Variants in CCDC3 observed in about 807,000 individuals in gnomAD.
CCDC3 encodes coiled-coil domain-containing protein 3.
CCDC3 carries 24 observed loss-of-function variants against 21.4 expected under a neutral mutation model. The observed-to-expected ratio is 1.12, with a 90% CI of 0.81 to 1.58. CCDC3 has a LOEUF of 1.58. Ranked by LOEUF, CCDC3 falls within the 40% of genes most tolerant of loss-of-function variation. The pLI is 0.00. For missense variants in CCDC3, 425 were observed against 360.9 expected (o/e 1.18, Z -1.44); for synonymous variants, 186 against 166.0 (o/e 1.12, Z -0.93).
chr10:13,042,782 G>C (rs562680454), intron 5 of CCDC3, among the ~76,000 whole-genome samples: 83 of 151,798 alleles, frequency 5.5e-4, no homozygotes, highest in African/African-American at 2.0e-3. Flanking sequence ...GGTGGCGGGC[G>C]CCTGTAGTCC....
exon 2 of CCDC3, chr10:13,099,260 C>A (rs1037790749): frequency 6.6e-6 from 1 of 152,460 alleles, no homozygotes; most frequent in Non-Finnish European, 1.5e-5. Context: ...GTCCAGACAG[C>A]GAAGCAGAAT....
chr10:13,065,833 G>A (rs779060997), intron 4 of CCDC3, among the ~76,000 whole-genome samples: 4 of 152,162 alleles, frequency 2.6e-5, no homozygotes, highest in Non-Finnish European at 4.4e-5. Flanking sequence ...TTAGATATAA[G>A]TTCCATCCAG....
chr10:13,010,030 C>T (rs1256258153), intron 5 of CCDC3, among the ~76,000 whole-genome samples: 2 of 152,080 alleles, frequency 1.3e-5, no homozygotes, highest in East Asian at 1.9e-4. Flanking sequence ...GTTGGATCAC[C>T]TGAGGTCAGG....
intron 4 of CCDC3, among the ~76,000 whole-genome samples, chr10:13,064,465 T>C (rs1182187820): frequency 6.6e-6 from 1 of 152,214 alleles, no homozygotes; most frequent in Non-Finnish European, 1.5e-5. Context: ...TGAGGACATG[T>C]GCCTGTGACA....
intron 2 of CCDC3, among the ~76,000 whole-genome samples, chr10:12,964,226 G>C (rs1343079916): frequency 6.6e-6 from 1 of 152,050 alleles, no homozygotes; most frequent in Non-Finnish European, 1.5e-5. Context: ...TGCAAAATTA[G>C]CTGGGCATGG....
chr10:13,036,818 C>T (rs1482660919), intron 5 of CCDC3, among the ~76,000 whole-genome samples: 2 of 150,112 alleles, frequency 1.3e-5, no homozygotes, highest in East Asian at 1.9e-4. Context: ...GAGATGGGGT[C>T]ACCCAGGCTG....
At chr10:12,909,265 A>G (rs1210024176) in intron 2 of CCDC3, among the ~76,000 whole-genome samples, 2 of 152,208 alleles carry the variant, frequency 1.3e-5, no homozygotes, top group East Asian at 1.9e-4. Context: ...AGGAAGAGTG[A>G]CATTCATGGC....
At chr10:12,930,246 A>G (rs1834618096) in intron 2 of CCDC3, among the ~76,000 whole-genome samples, 1 of 151,506 alleles carries the variant, frequency 6.6e-6, no homozygotes, top group Non-Finnish European at 1.5e-5. Flanking sequence ...AAATGATGTA[A>G]TATTTTTACA....
intron 2 of CCDC3, among the ~76,000 whole-genome samples, chr10:12,971,214 G>A (rs568993655): frequency 2.0e-5 from 3 of 152,226 alleles, no homozygotes; most frequent in Non-Finnish European, 4.4e-5. Flanking sequence ...TAGCTGGCGT[G>A]AGCAGGAAAG....
upstream of CCDC3, among the ~76,000 whole-genome samples, chr10:13,005,786 G>C (rs896838635): frequency 2.6e-5 from 4 of 152,196 alleles, no homozygotes; most frequent in African/African-American, 9.7e-5. Context: ...AGACTTCTCA[G>C]AACTTGCTCA....
chr10:12,959,685 C>A lies in CCDC3; in HGVS notation c.549+38653G>T, dbSNP rs1835149504. On this transcript the variant is annotated intron_variant, in intron 2 of 2. Coordinates refer to ENST00000378825, the MANE Select transcript of CCDC3 (RefSeq NM_031455.4). Reference sequence around the variant, plus strand: ...CCTTACAAACCATTCCCTCCAAACTCCTTGGTTTATAGCCAAATAATCAGA... The same window carrying A: ...CCTTACAAACCATTCCCTCCAAACTACTTGGTTTATAGCCAAATAATCAGA... Among the ~76,000 whole-genome samples the A allele has an allele frequency of 2.0e-5, 3 of 152,172 alleles. 1 individual carries two copies. The South Asian group carries it at 6.2e-4, about 32-fold the overall frequency.
rs12573656 is a variant in CCDC3 at position 13,092,593 on chromosome 10, G to T, written c.-503+5932C>A. Among the ~76,000 whole-genome samples the T allele has an allele frequency of 3.5e-4, 54 of 152,308 alleles. No homozygotes were observed. In the East Asian group the frequency reaches 9.1e-3, roughly 26 times the overall value. On this transcript the variant is annotated intron_variant, in intron 3 of 6. Coordinates refer to the CCDC3 transcript ENST00000378839. ...TTCTGTAAAGCTAACTCACATTGGA[G>T]TAACCCCCGTGTGACCTAAGGCATC...
At chr10:13,083,247 T>C (rs983915488) in intron 3 of CCDC3, among the ~76,000 whole-genome samples, 1 of 152,230 alleles carries the variant, frequency 6.6e-6, no homozygotes, top group Non-Finnish European at 1.5e-5. Flanking sequence ...CTAGTTCAAT[T>C]GGCTATCCCT....
chr10:13,014,902 C>A (rs1449029966), intron 5 of CCDC3, among the ~76,000 whole-genome samples: 1 of 152,066 alleles, frequency 6.6e-6, no homozygotes. Flanking sequence ...CAAGAATCAA[C>A]AGTCATATCA....
chr10:13,073,608 G>A (rs1836913978), intron 4 of CCDC3, among the ~76,000 whole-genome samples: 1 of 151,760 alleles, frequency 6.6e-6, no homozygotes, highest in South Asian at 2.1e-4. Flanking sequence ...AGCCTCCTGA[G>A]TAGCTAGGAG....
chr10:12,919,276 C>A (rs1834408200), intron 2 of CCDC3, among the ~76,000 whole-genome samples: 1 of 152,070 alleles, frequency 6.6e-6, no homozygotes, highest in Non-Finnish European at 1.5e-5. Context: ...TTTGTACATG[C>A]TTTGCTTGTG....
intron 3 of CCDC3, among the ~76,000 whole-genome samples, chr10:13,097,933 C>G (rs1832650190): frequency 6.6e-6 from 1 of 152,172 alleles, no homozygotes; most frequent in African/African-American, 2.4e-5. Flanking sequence ...AAATAGCTTT[C>G]CATCAGTTGG....
Position 13,001,247 on chromosome 10 carries a change from CGAGAAGTAGCCCAG to C in CCDC3, c.310_323del (p.Leu104ValfsTer20). The C allele has an allele frequency of 6.3e-7, 1 of 1,588,378 alleles. No individual in the cohort carries two copies. Among genetic ancestry groups the C allele is most frequent in the African/African-American group, 1.3e-5 (1 of 74,706 alleles). On this transcript the variant is annotated frameshift_variant, in exon 1 of 3. Coordinates refer to ENST00000378825, the MANE Select transcript of CCDC3 (RefSeq NM_031455.4). LOFTEE classifies it high-confidence loss of function. ...CCTGGACCACGGTGTGGGAGTGGCA[CGAGAAGTAGCCCAG>C]GCCGGTGAGGTTGAGCCTGGAGCCG...
intron 4 of CCDC3, among the ~76,000 whole-genome samples, chr10:13,070,879 T>C (rs1038068605): frequency 6.6e-6 from 1 of 152,196 alleles, no homozygotes; most frequent in Non-Finnish European, 1.5e-5. Context: ...GTTTCAAAAC[T>C]TATCATTAGG....
Sources: allele counts gnomAD v4.1 joint callset (sites outside exome capture counted in the v4.1 genomes callset), GRCh38; gene constraint gnomAD v4.1.1; transcripts MANE v1.5; gene names NCBI Gene and HGNC (gene_info 2026-07-23, HGNC 2026-07-21).